The following DENND4C variants were observed in gnomAD, a reference collection of about 807,000 sequenced individuals.
DENND4C encodes DENN domain containing 4C.
In DENND4C, 108 loss-of-function variants were observed where a neutral mutation model predicts 203.0. That is an observed-to-expected ratio of 0.53 (90% confidence interval 0.46 to 0.62). The LOEUF (loss-of-function observed/expected upper bound fraction) is 0.62. DENND4C is among the 20% of genes least tolerant of loss of function. The probability of loss-of-function intolerance (pLI) is 0.00; values close to 1 mark genes in which losing one functional copy is unlikely to be tolerated. For synonymous variants in DENND4C, 871 were observed against 792.4 expected, an observed-to-expected ratio of 1.10 and a Z score of -1.67; for missense variants, 2,481 against 2,301.2, an observed-to-expected ratio of 1.08 and a Z score of -1.60.
intron 26 of DENND4C, among the ~76,000 whole-genome samples, chr9:19,353,492 G>A (rs1824650611): frequency 6.6e-6 from 1 of 151,948 alleles, no homozygotes; most frequent in African/African-American, 2.4e-5. Flanking sequence ...GCCAGGTGTG[G>A]CGGCGTGCGC....
At chr9:19,250,106 T>A (rs1205003095) in intron 1 of DENND4C, among the ~76,000 whole-genome samples, 1 of 152,142 alleles carries the variant, frequency 6.6e-6, no homozygotes, top group African/African-American at 2.4e-5. Flanking sequence ...GAGATCAGCC[T>A]GGGAAATGTA....
chr9:19,316,628 A>C lies in DENND4C; in HGVS notation c.1596A>C (p.Gln532His), dbSNP rs148517595. Residue 532 changes from glutamine (Q) to histidine (H), a missense_variant, in exon 12 of 33, where the codon CAA becomes CAC. Physicochemically the swap from Gln to His is conservative, Grantham distance 24. This residue lies in a region of DENND4C where 2,289 missense variants were observed against 2,113.3 expected (regional missense o/e 1.08). Coordinates refer to ENST00000434457, the MANE Select transcript of DENND4C (RefSeq NM_001330640.2). ...TTTTATTTCCTTTGTTAGTTCACCA[A>C]AAAACTCAAGAAGGCTCAGCGATTG... ...KLYPQLSSVH[Q>H]KTQEGSAIDM... 5.0e-6 allele frequency: 8 copies of C among 1,613,028 alleles called. No individual in the cohort carries two copies. Among genetic ancestry groups the C allele is most frequent in the South Asian group, 2.2e-5 (2 of 90,806 alleles).
chr9:19,247,410 T>C (rs1397618391), intron 1 of DENND4C, among the ~76,000 whole-genome samples: 1 of 152,192 alleles, frequency 6.6e-6, no homozygotes, highest in Non-Finnish European at 1.5e-5. Flanking sequence ...CTTTTTCGTT[T>C]TTCAAGACAG....
At chr9:19,256,477 C>T (rs932770370) in intron 1 of DENND4C, among the ~76,000 whole-genome samples, 5 of 151,410 alleles carry the variant, frequency 3.3e-5, no homozygotes, top group South Asian at 2.1e-4. Context: ...CCACCACACC[C>T]GGCTAATTTT....
At chr9:19,243,553 C>G (rs900052728) in intron 1 of DENND4C, among the ~76,000 whole-genome samples, 1 of 152,092 alleles carries the variant, frequency 6.6e-6, no homozygotes, top group Non-Finnish European at 1.5e-5. Context: ...GCCCAGTAAT[C>G]TGTTTTCTCT....
intron 16 of DENND4C, 126 bp downstream of exon 16, chr9:19,328,288 A>G: frequency 1.0e-6 from 1 of 968,554 alleles, no homozygotes; most frequent in South Asian, 2.0e-5. Context: ...TTGTTATTGA[A>G]TTTAACTAGA....
intron 30 of DENND4C, among the ~76,000 whole-genome samples, chr9:19,364,097 C>G (rs943195709): frequency 2.0e-5 from 3 of 151,998 alleles, no homozygotes; most frequent in Non-Finnish European, 2.9e-5. Flanking sequence ...GCAGGAGAAT[C>G]CCTTGAGCCC....
intron 2 of DENND4C, among the ~76,000 whole-genome samples, chr9:19,284,150 T>C (rs10811163): frequency 0.5 from 75,452 of 152,112 alleles, 19,553 homozygotes; most frequent in South Asian, 0.66. Context: ...GCTAAGCTAA[T>C]TGAAAGGAAG....
At chr9:19,296,837 A>C (rs1200342296) in intron 6 of DENND4C, among the ~76,000 whole-genome samples, 1 of 152,188 alleles carries the variant, frequency 6.6e-6, no homozygotes, top group African/African-American at 2.4e-5. Flanking sequence ...TGCTGCACAC[A>C]CACCCACCAA....
intron 10 of DENND4C, among the ~76,000 whole-genome samples, chr9:19,311,401 T>C (rs367546164): frequency 2.0e-4 from 30 of 152,176 alleles, no homozygotes; most frequent in African/African-American, 7.2e-4. Context: ...CCTAGAATTA[T>C]AGGCATGAGC....
intron 12 of DENND4C, among the ~76,000 whole-genome samples, chr9:19,318,014 C>G (rs1051421801): frequency 3.3e-5 from 5 of 152,162 alleles, no homozygotes; most frequent in African/African-American, 7.2e-5. Context: ...TAAAGTCTTC[C>G]TGGAGCTTAT....
At chr9:19,243,441 A>G (rs1342186157) in intron 1 of DENND4C, among the ~76,000 whole-genome samples, 2 of 152,218 alleles carry the variant, frequency 1.3e-5, no homozygotes, top group Non-Finnish European at 2.9e-5. Context: ...TCATGCAAGT[A>G]TTACCACAAA....
chr9:19,262,444 A>G (rs906399370), intron 1 of DENND4C, among the ~76,000 whole-genome samples: 11 of 121,414 alleles, frequency 9.1e-5, no homozygotes, highest in African/African-American at 3.7e-4. Context: ...CAAATATATC[A>G]TATCTTTTTT....
intron 22 of DENND4C, among the ~76,000 whole-genome samples, chr9:19,345,003 G>T (rs557969493): frequency 6.6e-6 from 1 of 151,998 alleles, no homozygotes; most frequent in Non-Finnish European, 1.5e-5. Flanking sequence ...ATTCATCAGG[G>T]TTCCACTTTC....
intron 1 of DENND4C, among the ~76,000 whole-genome samples, chr9:19,253,204 T>G (rs143169231): frequency 2.0e-4 from 30 of 152,368 alleles, no homozygotes; most frequent in East Asian, 1.7e-3. Context: ...AAATCCTGAT[T>G]TCTTTAAAAA....
chr9:19,350,310 A>G (rs978725060), intron 23 of DENND4C, among the ~76,000 whole-genome samples: 4 of 152,250 alleles, frequency 2.6e-5, no homozygotes, highest in African/African-American at 7.2e-5. Context: ...GTAAGTTTAC[A>G]TATCTAATAA....
intron 27 of DENND4C, 151 bp from the exon 28 acceptor site, chr9:19,357,814 G>C (rs12351518): frequency 0.14 from 89,907 of 627,170 alleles, 10,024 homozygotes; most frequent in African/African-American, 0.46. Context: ...TACAAAAATG[G>C]TTGAAGGAAA....
intron 30 of DENND4C, among the ~76,000 whole-genome samples, chr9:19,364,750 C>T (rs1218968978): frequency 6.6e-6 from 1 of 152,072 alleles, no homozygotes; most frequent in Non-Finnish European, 1.5e-5. Context: ...AAAAAATTTG[C>T]CAGGTGTGGT....
intron 17 of DENND4C, among the ~76,000 whole-genome samples, chr9:19,332,637 C>T (rs1035919984): frequency 6.6e-6 from 1 of 150,772 alleles, no homozygotes; most frequent in South Asian, 2.1e-4. Flanking sequence ...GCTGGGATTA[C>T]AGGCATGAGC....
Sources: allele counts gnomAD v4.1 joint callset (sites outside exome capture counted in the v4.1 genomes callset), GRCh38; gene constraint gnomAD v4.1.1; regional missense constraint gnomAD v4.1.1; transcripts MANE v1.5; gene names NCBI Gene and HGNC (gene_info 2026-07-23, HGNC 2026-07-21).